Variants in ITPR2 observed in about 807,000 individuals in gnomAD.
The protein encoded by ITPR2 is inositol 1,4,5-trisphosphate-gated calcium channel ITPR2.
ITPR2 carries 207 observed loss-of-function variants against 317.1 expected under a neutral mutation model. That is an observed-to-expected ratio of 0.65 (90% CI 0.58 to 0.73). The LOEUF (loss-of-function observed/expected upper bound fraction) is 0.73, where lower values mean the gene tolerates loss of function less well. Among genes scored for constraint, ITPR2 ranks in the 30% least tolerant of loss-of-function variants. The pLI is 0.00. For missense variants in ITPR2, 2,613 were observed against 3,284.0 expected (o/e 0.80, Z 4.99); for synonymous variants, 1,156 against 1,149.1 (o/e 1.01, Z -0.12).
chr12:26,714,084 T>G (rs1464683336), intron 8 of ITPR2, among the ~76,000 whole-genome samples: 1 of 152,236 alleles, frequency 6.6e-6, no homozygotes, highest in African/African-American at 2.4e-5. Context: ...TAAGTTCTTT[T>G]GTACTATTTC....
intron 2 of ITPR2, among the ~76,000 whole-genome samples, chr12:26,771,368 T>G (rs1320235578): frequency 1.3e-5 from 2 of 152,138 alleles, no homozygotes; most frequent in East Asian, 3.8e-4. Flanking sequence ...TGGAACAACC[T>G]TGGAAGCCAC....
intron 39 of ITPR2, among the ~76,000 whole-genome samples, chr12:26,492,277 A>G (rs1234020602): frequency 6.6e-6 from 1 of 152,222 alleles, no homozygotes; most frequent in Non-Finnish European, 1.5e-5. Context: ...CCAGGAATTT[A>G]TAAGTAGAAG....
intron 13 of ITPR2, among the ~76,000 whole-genome samples, chr12:26,676,919 A>G (rs1312803240): frequency 1.3e-5 from 2 of 152,222 alleles, no homozygotes; most frequent in Non-Finnish European, 2.9e-5. Context: ...TGAAGAGAAT[A>G]AACACAGAAC....
At chr12:26,579,985 G>T (rs754808593) in intron 33 of ITPR2, 42 bp downstream of exon 33, 11 of 1,573,308 alleles carry the variant, frequency 7.0e-6, no homozygotes, top group Non-Finnish European at 9.5e-6. Context: ...TCAAATAAGA[G>T]AAACTCTTTG....
rs1186604093 is a variant in ITPR2, at chr12:26,591,137, T to C, written c.4380+4328A>G. Among the ~76,000 whole-genome samples the C allele has an allele frequency of 3.8e-5, 4 of 103,956 alleles. No individual in the cohort carries two copies. In the East Asian group the frequency reaches 1.1e-3, roughly 28 times the overall value. 68.2% of individuals were successfully genotyped at this position (103,956 alleles called of 152,430 possible). The stretch of plus-strand genomic sequence containing the variant: ...GCAGCAAAGGAAACAATCAACAAAG[T>C]AAAGAGATAATCCACAGAATGAGAG... On this transcript the variant is annotated intron_variant, in intron 32 of 56. Coordinates refer to ENST00000381340, the MANE Select transcript of ITPR2 (RefSeq NM_002223.4).
At chr12:26,725,210 A>G (rs1423925042) in intron 3 of ITPR2, among the ~76,000 whole-genome samples, 1 of 152,184 alleles carries the variant, frequency 6.6e-6, no homozygotes, top group African/African-American at 2.4e-5. Flanking sequence ...AAAGTTCTTA[A>G]TTCTGAAAGT....
chr12:26,459,047 C>T (rs1402128632), intron 45 of ITPR2, among the ~76,000 whole-genome samples: 2 of 152,216 alleles, frequency 1.3e-5, no homozygotes, highest in Non-Finnish European at 2.9e-5. Flanking sequence ...GCAAACTGGA[C>T]CCTGTGAATA....
At position 26,475,416 on chromosome 12, in the gene ITPR2, C is replaced by T; in HGVS notation, c.6222G>A (p.Val2074=). The T allele has an allele frequency of 6.2e-7, 1 of 1,604,308 alleles. No homozygotes were observed. The highest frequency in any genetic ancestry group is 1.7e-5 in the Admixed American group (1 of 58,030). The part of the protein sequence containing the change: ...ILFNMRPREL[V]DVMKNAYNQG... ...GGTTATAGGCATTCTTCATCACATC[C>T]ACCTATCCAAAAAAAAAAAGAATAT... is the stretch of plus-strand genomic sequence containing the variant. The change falls in exon 45 of 57, where the codon GTG becomes GTA. Residue 2074 remains valine (V), a splice_region_variant and synonymous_variant. Transcript: ENST00000381340.
chr12:26,375,113 G>A (rs977954528), intron 55 of ITPR2, among the ~76,000 whole-genome samples: 6 of 152,136 alleles, frequency 3.9e-5, no homozygotes, highest in African/African-American at 1.4e-4. Context: ...TTACTCCCTG[G>A]AAGAAAGCCA....
chr12:26,499,439 A>T (rs1408918690), intron 37 of ITPR2, among the ~76,000 whole-genome samples: 2 of 152,194 alleles, frequency 1.3e-5, no homozygotes, highest in Non-Finnish European at 2.9e-5. Flanking sequence ...CCATATACTA[A>T]CTGGGGATCT....
chr12:26,645,201 G>A (rs141071884), intron 21 of ITPR2, among the ~76,000 whole-genome samples: 7 of 152,246 alleles, frequency 4.6e-5, no homozygotes, highest in Non-Finnish European at 7.4e-5. Context: ...CTGGCAATAC[G>A]TAATTCTAGA....
At chr12:26,619,137 C>T (rs1423559940) in intron 26 of ITPR2, among the ~76,000 whole-genome samples, 3 of 152,160 alleles carry the variant, frequency 2.0e-5, no homozygotes, top group Non-Finnish European at 2.9e-5. Context: ...AATAATGTCA[C>T]TCAGGTGAGA....
chr12:26,589,853 TACACACACACACAC>T (rs56044866), intron 32 of ITPR2, among the ~76,000 whole-genome samples: 792 of 57,220 alleles, frequency 0.014, 10 homozygotes, highest in Non-Finnish European at 0.017. Context: ...TATATATATA[TACACACACACACAC>T]ACACACACAC....
intron 9 of ITPR2, among the ~76,000 whole-genome samples, chr12:26,698,944 G>C (rs746697720): frequency 2.6e-5 from 4 of 151,310 alleles, no homozygotes; most frequent in African/African-American, 4.9e-5. Context: ...TTTTAGTCAA[G>C]TTTCACCATA....
At chr12:26,387,782 A>AT (rs757580682) in intron 54 of ITPR2, among the ~76,000 whole-genome samples, 188 bp from the exon 55 acceptor site, 19 of 152,306 alleles carry the variant, frequency 1.2e-4, no homozygotes, top group Non-Finnish European at 2.1e-4. Context: ...TCGTTTATAG[A>AT]TTTTTTCCCA....
intron 2 of ITPR2, among the ~76,000 whole-genome samples, chr12:26,763,265 G>A (rs745524003): frequency 6.6e-6 from 1 of 151,644 alleles, no homozygotes; most frequent in Non-Finnish European, 1.5e-5. Flanking sequence ...GCCAATTATA[G>A]TTTAATAAAG....
chr12:26,724,176 T>A (rs1948882558), intron 4 of ITPR2, among the ~76,000 whole-genome samples: 1 of 152,140 alleles, frequency 6.6e-6, no homozygotes, highest in Non-Finnish European at 1.5e-5. Context: ...GCTAAAAAGA[T>A]CTAAGTGAAA....
At chr12:26,677,269 A>C (rs1188001155) in intron 13 of ITPR2, among the ~76,000 whole-genome samples, 1 of 152,204 alleles carries the variant, frequency 6.6e-6, no homozygotes, top group Non-Finnish European at 1.5e-5. Flanking sequence ...CATTCAAATA[A>C]ATTTGTCAAA....
intron 11 of ITPR2, 75 bp downstream of exon 11, chr12:26,686,406 A>AAT: frequency 1.1e-6 from 1 of 904,810 alleles, no homozygotes; most frequent in South Asian, 2.6e-5. Context: ...AAAATATATT[A>AAT]ATATTATTAT....
Sources: gnomAD v4.1 joint callset for allele counts (sites outside exome capture counted in the v4.1 genomes callset) on GRCh38, gnomAD v4.1.1 for gene constraint, MANE v1.5 for transcripts, NCBI Gene and HGNC (gene_info 2026-07-23, HGNC 2026-07-21) for gene names.